POU2F3: variants seen among roughly 807,000 people sequenced by gnomAD.
POU2F3 encodes the protein POU class 2 homeobox 3.
A neutral mutation model predicts 59.2 loss-of-function variants in POU2F3; 23 were observed. The observed-to-expected ratio is 0.39, with a 90% CI of 0.28 to 0.55. The LOEUF (loss-of-function observed/expected upper bound fraction) is 0.55, where lower values mean the gene tolerates loss of function less well. Among genes scored for constraint, POU2F3 ranks in the 20% least tolerant of loss-of-function variants. The pLI is 0.66. For missense variants in POU2F3, 473 were observed against 544.5 expected, an observed-to-expected ratio of 0.87 and a Z score of 1.31; for synonymous variants, 190 against 214.6, an observed-to-expected ratio of 0.89 and a Z score of 1.00.
At chr11:120,240,411 C>G in intron 1 of POU2F3, 40 bp downstream of exon 1, 1 of 1,363,158 alleles carries the variant, frequency 7.3e-7, no homozygotes, top group Non-Finnish European at 9.5e-7. Context: ...GGTGTCACTG[C>G]GCGTGGGCAG....
At chr11:120,304,693 G>A (rs1182102526) in intron 6 of POU2F3, among the ~76,000 whole-genome samples, 1 of 150,704 alleles carries the variant, frequency 6.6e-6, no homozygotes, top group Non-Finnish European at 1.5e-5. Context: ...AAACAACCCT[G>A]CTAGCTCCTT....
At chr11:120,260,443 G>A (rs1018932842) in intron 2 of POU2F3, among the ~76,000 whole-genome samples, 1 of 152,250 alleles carries the variant, frequency 6.6e-6, no homozygotes, top group African/African-American at 2.4e-5. Context: ...GGCTGCTTTT[G>A]ACACTGGGCA....
chr11:120,301,265 A>G (rs561211299), intron 5 of POU2F3: 2 of 320,308 alleles, frequency 6.2e-6, no homozygotes, highest in East Asian at 1.6e-4. Flanking sequence ...CTGCCTCATG[A>G]GATTATTGAG....
Position 120,240,302 on chromosome 11 carries a change from G to A in POU2F3, c.-42G>A, listed in dbSNP as rs757831694. 3 of 1,329,922 alleles carry A rather than the reference G, an allele frequency of 2.3e-6. No individual in the cohort carries two copies. The highest frequency in any genetic ancestry group is 2.9e-6 in the Non-Finnish European group (3 of 1,031,298). The allele number at this position is 1,329,922 out of a possible 1,614,324, so 82.4% of individuals were successfully genotyped here. ...GGGGCCCCGGCTGGGGCAGAGGCGA[G>A]GGGCCTGGGGGGGCGCTGGCTTTGG... On this transcript the variant is annotated 5_prime_UTR_variant, in exon 1 of 13. Transcript: ENST00000543440.
intron 8 of POU2F3, 53 bp from the exon 9 acceptor site, chr11:120,307,426 C>T (rs577627384): frequency 7.5e-6 from 12 of 1,597,146 alleles, no homozygotes; most frequent in East Asian, 2.2e-5. Flanking sequence ...CATGAAGGCA[C>T]CGGCCACTCA....
chr11:120,293,337 T>C (rs1490866866), intron 3 of POU2F3, among the ~76,000 whole-genome samples: 1 of 152,170 alleles, frequency 6.6e-6, no homozygotes, highest in Non-Finnish European at 1.5e-5. Flanking sequence ...CAAGCAAAAA[T>C]GCAGCCGGTA....
rs1325202305 is a variant in POU2F3 at position 120,246,503 on chromosome 11, G to T, written c.83G>T (p.Ser28Ile). 52 of 1,613,624 alleles carry T rather than the reference G, an allele frequency of 3.2e-5. No homozygotes were observed. The highest frequency in any genetic ancestry group is 4.4e-5 in the Non-Finnish European group (52 of 1,179,994). The change falls in exon 2 of 13, where the codon AGC becomes ATC. Residue 28 changes from serine to isoleucine, a missense_variant. Transcript: ENST00000543440. ...ADSTDARSTL[S>I]QVEPGNDRNG... ...TCCACGGATGCTCGCAGCACTCTCA[G>T]CCAGGTGGAGCCAGGTAAGGGTCTT...
At chr11:120,317,623 G>C (rs895956090) in intron 12 of POU2F3, among the ~76,000 whole-genome samples, 1 of 152,236 alleles carries the variant, frequency 6.6e-6, no homozygotes, top group African/African-American at 2.4e-5. Flanking sequence ...CTTACTTTGA[G>C]GGTGGAAATT....
intron 1 of POU2F3, among the ~76,000 whole-genome samples, chr11:120,244,440 C>T (rs947939738): frequency 5.9e-5 from 9 of 152,206 alleles, no homozygotes; most frequent in African/African-American, 2.2e-4. Context: ...CACAAAAACC[C>T]TGGGAAGTGT....
upstream of POU2F3, among the ~76,000 whole-genome samples, chr11:120,236,951 G>A (rs1303472904): frequency 6.6e-6 from 1 of 152,100 alleles, no homozygotes; most frequent in East Asian, 1.9e-4. Flanking sequence ...CCTCCTTGTG[G>A]GCCTCAGGTC....
intron 3 of POU2F3, among the ~76,000 whole-genome samples, chr11:120,290,992 G>A (rs934334164): frequency 6.6e-6 from 1 of 152,218 alleles, no homozygotes; most frequent in Non-Finnish European, 1.5e-5. Flanking sequence ...GGGGAGGTAA[G>A]AGCAAATATC....
chr11:120,300,729 C>G (rs754526549), intron 5 of POU2F3, among the ~76,000 whole-genome samples: 22 of 151,858 alleles, frequency 1.4e-4, no homozygotes, highest in Non-Finnish European at 2.9e-4. Context: ...GCACCACTGT[C>G]CTCCAGCCTG....
upstream of POU2F3, among the ~76,000 whole-genome samples, chr11:120,237,918 C>T (rs1185831526): frequency 1.3e-5 from 2 of 152,136 alleles, no homozygotes; most frequent in African/African-American, 4.8e-5. Context: ...CCAATAAGCC[C>T]TTGCTGGTCT....
chr11:120,260,525 G>A (rs182749822), intron 2 of POU2F3, among the ~76,000 whole-genome samples: 2 of 152,224 alleles, frequency 1.3e-5, no homozygotes, highest in Non-Finnish European at 2.9e-5. Context: ...TTGGCCTAAG[G>A]AGATTGTATT....
intron 1 of POU2F3, among the ~76,000 whole-genome samples, chr11:120,240,966 G>T (rs1396871426): frequency 6.6e-6 from 1 of 152,198 alleles, no homozygotes; most frequent in Non-Finnish European, 1.5e-5. Flanking sequence ...CCTTCCCTAA[G>T]GGGTGGAAAC....
At chr11:120,301,335 T>C (rs942562565) in intron 5 of POU2F3, 3 of 264,184 alleles carry the variant, frequency 1.1e-5, no homozygotes, top group Non-Finnish European at 2.2e-5. Flanking sequence ...ATGTCAGAAT[T>C]GCCATTAGTA....
intron 3 of POU2F3, among the ~76,000 whole-genome samples, chr11:120,277,771 C>T (rs2135222902): frequency 6.6e-6 from 1 of 152,212 alleles, no homozygotes. Flanking sequence ...AGCAGCGAGA[C>T]TCCGTTACAA....
intron 1 of POU2F3, among the ~76,000 whole-genome samples, chr11:120,244,971 G>T (rs1167313745): frequency 6.6e-6 from 1 of 152,186 alleles, no homozygotes. Flanking sequence ...GTGGGGTAAG[G>T]TTGCAGGTCT....
At chr11:120,257,792 T>C (rs186078650) in intron 2 of POU2F3, among the ~76,000 whole-genome samples, 8 of 152,248 alleles carry the variant, frequency 5.3e-5, no homozygotes, top group East Asian at 1.9e-4. Context: ...GAAATGGACA[T>C]GGAAGTGTGC....
Sources: allele counts gnomAD v4.1 joint callset (sites outside exome capture counted in the v4.1 genomes callset), GRCh38; gene constraint gnomAD v4.1.1; transcripts MANE v1.5; gene names NCBI Gene and HGNC (gene_info 2026-07-23, HGNC 2026-07-21).